Variants in ADCY2 observed in about 807,000 individuals in gnomAD.
ADCY2 encodes the protein adenylate cyclase type 2.
Under a neutral mutation model 125.2 loss-of-function variants are expected in ADCY2, and 31 were observed. The observed-to-expected ratio is 0.25, with a 90% CI of 0.19 to 0.33. The LOEUF is 0.33. ADCY2 is among the 10% of genes least tolerant of loss of function. ADCY2 has a pLI of 1.00. For missense variants in ADCY2, 904 were observed against 1,418.2 expected (o/e 0.64, Z 5.82); for synonymous variants, 512 against 548.4 (o/e 0.93, Z 0.93).
chr5:7,528,712 C>T (rs12654951), intron 3 of ADCY2, among the ~76,000 whole-genome samples: 11,028 of 152,258 alleles, frequency 0.072, 446 homozygotes, highest in East Asian at 0.19. Flanking sequence ...GCTAGAGGCA[C>T]CACTCACTAA....
intron 4 of ADCY2, among the ~76,000 whole-genome samples, chr5:7,632,924 G>A (rs1224602799): frequency 1.3e-5 from 2 of 152,106 alleles, no homozygotes; most frequent in Admixed American, 6.5e-5. Context: ...ACAAATTTGC[G>A]AAGATTGCAA....
intron 4 of ADCY2, among the ~76,000 whole-genome samples, chr5:7,676,439 A>G (rs1723018872): frequency 6.6e-6 from 1 of 152,186 alleles, no homozygotes; most frequent in Non-Finnish European, 1.5e-5. Flanking sequence ...TCTTTGTTCA[A>G]AATTGTTTAT....
intron 24 of ADCY2, among the ~76,000 whole-genome samples, chr5:7,823,542 C>G (rs921821917): frequency 4.6e-5 from 7 of 152,300 alleles, no homozygotes; most frequent in Admixed American, 3.3e-4. Context: ...CTAGCCACTT[C>G]TAATGCCCAG....
rs934286836 is a variant in ADCY2, at chr5:7,654,169, A to T, written c.720+27853A>T. ...AGTCAGGAAAGGGCCTTGGGAAGAG[A>T]TGGCGCATCCAGCGAGAGGAAAGCC... is the stretch of plus-strand genomic sequence containing the variant. On this transcript the variant is annotated intron_variant, in intron 4 of 24. Transcript: ENST00000338316. The T allele has an allele frequency of 3.1e-5, 14 of 455,132 alleles. No homozygotes were observed. The Admixed American group carries it at 3.3e-4, about 11-fold the overall frequency. 28.2% of individuals were successfully genotyped at this position (455,132 alleles called of 1,614,324 possible). A position where few individuals can be genotyped will look rare whatever the true frequency, so the allele number is the denominator to read the frequency against.
intron 2 of ADCY2, among the ~76,000 whole-genome samples, chr5:7,445,791 T>G (rs1474524292): frequency 6.6e-6 from 1 of 152,232 alleles, no homozygotes; most frequent in East Asian, 1.9e-4. Flanking sequence ...TTTTTCATAT[T>G]TTTGTTTTAA....
chr5:7,510,002 C>A (rs1187352673), intron 2 of ADCY2, among the ~76,000 whole-genome samples: 1 of 152,096 alleles, frequency 6.6e-6, no homozygotes, highest in Non-Finnish European at 1.5e-5. Flanking sequence ...TTTTCTGAAA[C>A]AAGAGCTCTC....
intron 20 of ADCY2, chr5:7,798,187 G>A (rs113650129): frequency 0.052 from 1,793 of 34,412 alleles, 43 homozygotes; most frequent in African/African-American, 0.14. Flanking sequence ...GAGAAAGCCC[G>A]GACCTGAGAG....
intron 5 of ADCY2, among the ~76,000 whole-genome samples, chr5:7,692,833 G>A (rs552731018): frequency 6.6e-6 from 1 of 151,956 alleles, no homozygotes; most frequent in Non-Finnish European, 1.5e-5. Context: ...TATGTTGGGG[G>A]CTCTCTCTTA....
chr5:7,739,324 C>T (rs1742345534), intron 14 of ADCY2, among the ~76,000 whole-genome samples: 1 of 151,492 alleles, frequency 6.6e-6, no homozygotes, highest in Admixed American at 6.6e-5. Context: ...TGCTTCTAAC[C>T]CAGGAGTCAA....
At chr5:7,750,093 A>G (rs749110705) in intron 15 of ADCY2, among the ~76,000 whole-genome samples, 3 of 152,072 alleles carry the variant, frequency 2.0e-5, no homozygotes, top group Non-Finnish European at 4.4e-5. Context: ...TCTCTCTCTT[A>G]TTTGACAAGT....
At chr5:7,465,300 GGAGTGCTCCCTCC>G (rs1206908197) in intron 2 of ADCY2, among the ~76,000 whole-genome samples, 1 of 152,144 alleles carries the variant, frequency 6.6e-6, no homozygotes, top group African/African-American at 2.4e-5. Flanking sequence ...CAGACACCTG[GGAGTGCTCCCTCC>G]TGAGTCTTTT....
chr5:7,403,208 A>G (rs1739336532), intron 1 of ADCY2, among the ~76,000 whole-genome samples: 1 of 152,146 alleles, frequency 6.6e-6, no homozygotes, highest in Non-Finnish European at 1.5e-5. Flanking sequence ...TAAGATATCA[A>G]GTTACTAATG....
chr5:7,771,330 A>G (rs1261394887), intron 17 of ADCY2, among the ~76,000 whole-genome samples: 1 of 152,202 alleles, frequency 6.6e-6, no homozygotes, highest in Non-Finnish European at 1.5e-5. Context: ...CATGAGAGGC[A>G]GAAGAGTGGA....
intron 5 of ADCY2, among the ~76,000 whole-genome samples, chr5:7,692,531 G>C (rs1312306037): frequency 1.3e-5 from 2 of 152,294 alleles, no homozygotes; most frequent in Middle Eastern, 3.4e-3. Context: ...GTTTGTGAGA[G>C]TTTTGCCTAT....
At chr5:7,724,192 GGAAAAACA>G (rs1741862886) in intron 12 of ADCY2, among the ~76,000 whole-genome samples, 2 of 147,972 alleles carry the variant, frequency 1.4e-5, no homozygotes, top group African/African-American at 5.0e-5. Flanking sequence ...GTGTGATTTC[GGAAAAACA>G]TTAAGGAATC....
At position 7,758,518 on chromosome 5, in the gene ADCY2, G is replaced by A. The variant is rs150682946; in HGVS notation, c.2094+932G>A. Among the ~76,000 whole-genome samples, 218 of 152,276 alleles carry A rather than the reference G, an allele frequency of 1.4e-3. 3 individuals are homozygous for A. The highest frequency in any genetic ancestry group is 4.9e-3 in the African/African-American group (202 of 41,558). On this transcript the variant is annotated intron_variant, in intron 16 of 24. Coordinates refer to ENST00000338316, the MANE Select transcript of ADCY2 (RefSeq NM_020546.3). ...CCATATATTATTTCATAATAATAAC[G>A]TCGTTTTTATAAAGTAGAAAGCATT...
At chr5:7,454,659 C>T (rs1741603447) in intron 2 of ADCY2, among the ~76,000 whole-genome samples, 1 of 152,056 alleles carries the variant, frequency 6.6e-6, no homozygotes, top group South Asian at 2.1e-4. Flanking sequence ...CCTTAACATG[C>T]AATGAAGGAA....
At chr5:7,819,658 C>T (rs1745235443) in intron 23 of ADCY2, among the ~76,000 whole-genome samples, 1 of 152,202 alleles carries the variant, frequency 6.6e-6, no homozygotes, top group Non-Finnish European at 1.5e-5. Flanking sequence ...TTCCCCCGAC[C>T]CTCTGTCTCT....
intron 3 of ADCY2, among the ~76,000 whole-genome samples, chr5:7,583,970 A>G (rs757394013): frequency 2.0e-5 from 3 of 152,140 alleles, no homozygotes; most frequent in African/African-American, 7.2e-5. Flanking sequence ...AGGAAGCCCA[A>G]TGCAAAGTGT....
Sources: allele counts gnomAD v4.1 joint callset (sites outside exome capture counted in the v4.1 genomes callset), GRCh38; gene constraint gnomAD v4.1.1; transcripts MANE v1.5; gene names NCBI Gene and HGNC (gene_info 2026-07-23, HGNC 2026-07-21).